NEU4: variants seen among roughly 807,000 people sequenced by gnomAD.
NEU4 encodes sialidase-4.
A neutral mutation model predicts 9.9 loss-of-function variants in NEU4; 7 were observed. That is an observed-to-expected ratio of 0.71 (90% confidence interval 0.40 to 1.33). The LOEUF is 1.33. Ranked by LOEUF, NEU4 falls within the 40% of genes most tolerant of loss-of-function variation. The pLI is 0.01. For missense variants in NEU4, 717 were observed against 712.6 expected (o/e 1.01, Z -0.07); for synonymous variants, 348 against 316.9 (o/e 1.10, Z -1.04).
rs1167050417 is a variant in NEU4 at position 241,812,528 on chromosome 2, A to AGGGGAGGTC, written c.-3-1954_-3-1953insGGGGAGGTC. ...CTGTGGAACCCAGGGAACTGGTCAC[A>AGGGGAGGTC]CTGAGGACACGGAGGCTCTGTGGAA... On this transcript the variant is annotated intron_variant, in intron 1 of 3. Transcript: ENST00000407683. Among the ~76,000 whole-genome samples, 360 of 65,814 alleles carry AGGGGAGGTC rather than the reference A, an allele frequency of 5.5e-3. 3 individuals are homozygous for AGGGGAGGTC. The highest frequency in any genetic ancestry group is 0.043 in the Middle Eastern group (4 of 92). 43.2% of individuals were successfully genotyped at this position (65,814 alleles called of 152,430 possible).
intron 1 of NEU4, chr2:241,810,597 T>C (rs1700082046): frequency 6.6e-6 from 1 of 152,314 alleles, no homozygotes; most frequent in African/African-American, 2.4e-5. Context: ...CATCAGAACA[T>C]ACCGGGCACC....
intron 1 of NEU4, chr2:241,813,986 C>T: frequency 3.1e-6 from 1 of 320,136 alleles, no homozygotes; most frequent in Non-Finnish European, 6.4e-6. Flanking sequence ...TCCCTGTGGG[C>T]TCACCTCTTT....
rs1700258157 is a variant in NEU4, at chr2:241,814,899, C to G, written c.209C>G (p.Ala70Gly). The stretch of plus-strand genomic sequence containing the variant: ...ACTTCCTCCTCTGGGCAGTGGGGTG[C>G]CCTGCACGTGCTGGGGACAGCAGCC... ...TLAGGSVRWG[A>G]LHVLGTAALA... Residue 70 changes from alanine to glycine, a missense_variant, in exon 3 of 4, where the codon GCC becomes GGC. By Grantham distance (60) the Ala-to-Gly change is moderately conservative (BLOSUM62 0). Transcript: ENST00000407683. The G allele has an allele frequency of 6.2e-7, 1 of 1,609,310 alleles. No homozygotes were observed. The highest frequency in any genetic ancestry group is 1.3e-5 in the African/African-American group (1 of 74,858).
At chr2:241,813,003 T>C (rs1206004410) in intron 1 of NEU4, among the ~76,000 whole-genome samples, 1 of 152,176 alleles carries the variant, frequency 6.6e-6, no homozygotes, top group Admixed American at 6.5e-5. Flanking sequence ...GCCAGGGGCT[T>C]CTTGGGGACG....
At chr2:241,815,318 C>T (rs1407161970) in intron 3 of NEU4, 171 bp downstream of exon 3, 2 of 967,166 alleles carry the variant, frequency 2.1e-6, no homozygotes, top group Non-Finnish European at 3.0e-6. Flanking sequence ...GCAAATCCCT[C>T]TCCCCAGGAC....
intron 3 of NEU4, chr2:241,815,359 C>T: frequency 1.5e-6 from 1 of 667,436 alleles, no homozygotes; most frequent in Non-Finnish European, 2.4e-6. Flanking sequence ...AGACAAATCC[C>T]TCTCCCCAGG....
chr2:241,811,245 G>C, intron 1 of NEU4: 1 of 1,252,594 alleles, frequency 8.0e-7, no homozygotes, highest in East Asian at 3.1e-5. Context: ...TGCTGGTCCC[G>C]GGCGTCTGTG....
chr2:241,815,110 G>A lies in NEU4; in HGVS notation c.420G>A (p.Arg140=). The A allele has an allele frequency of 6.3e-7, 1 of 1,575,868 alleles. No homozygotes were observed. Among genetic ancestry groups the A allele is most frequent in the Non-Finnish European group, 8.6e-7 (1 of 1,166,024 alleles). The change falls in exon 3 of 4, where the codon CGG becomes CGA. Residue 140 remains arginine, a synonymous_variant. Transcript: ENST00000407683. ...RDAGLSWGSA[R]DLTEEAIGGA... ...CCGGCCTCTCGTGGGGCAGCGCCCG[G>A]GACCTCACCGAGGAGGCCATCGGTG...
intron 1 of NEU4, among the ~76,000 whole-genome samples, chr2:241,813,031 C>T (rs1399501217): frequency 1.3e-5 from 2 of 152,200 alleles, no homozygotes; most frequent in Non-Finnish European, 2.9e-5. Context: ...CTCTCAGAAG[C>T]CGCGCACTGG....
chr2:241,809,282 C>T lies in NEU4; in HGVS notation c.-4+8C>T, dbSNP rs758873074. ...TGGCGGGAACTGAAACTGGTACGGT[C>T]TTTTTGAATAGAAATTTGGGGTCTT... On this transcript the variant is annotated splice_region_variant and intron_variant, in intron 1 of 3. Coordinates refer to ENST00000407683, the MANE Select transcript of NEU4 (RefSeq NM_001167600.3). 2 of 1,285,922 alleles carry T rather than the reference C, an allele frequency of 1.6e-6. No homozygotes were observed. The highest frequency in any genetic ancestry group is 2.0e-6 in the Non-Finnish European group (2 of 985,876). 79.7% of individuals were successfully genotyped at this position (1,285,922 alleles called of 1,614,324 possible).
Position 241,815,120 on chromosome 2 carries a change from G to T in NEU4, c.430G>T (p.Glu144Ter). ...LSWGSARDLT[E>*]EAIGGAVQDW... Reference sequence around the variant, plus strand: ...GTGGGGCAGCGCCCGGGACCTCACCGAGGAGGCCATCGGTGGTGCCGTGCA... The same window carrying T: ...GTGGGGCAGCGCCCGGGACCTCACCTAGGAGGCCATCGGTGGTGCCGTGCA... Residue 144 changes from glutamate to a stop codon, truncating the protein, a stop_gained, in exon 3 of 4, where the codon GAG becomes TAG. Transcript: ENST00000407683. LOFTEE classifies it low-confidence loss of function (END_TRUNC). 1 of 1,572,730 alleles carries T rather than the reference G, an allele frequency of 6.4e-7. No homozygotes were observed.
intron 1 of NEU4, chr2:241,811,446 C>T (rs753325390): frequency 6.4e-6 from 10 of 1,570,390 alleles, no homozygotes; most frequent in African/African-American, 5.5e-5. Context: ...GCTCTGCAGC[C>T]TTCCCAAGGT....
chr2:241,816,422 C>CCTTCAGAGTGTGT lies in NEU4; in HGVS notation c.829_830insCTTCAGAGTGTGT (p.Gln277ProfsTer22). On this transcript the variant is annotated frameshift_variant, in exon 4 of 4. Transcript: ENST00000407683. LOFTEE classifies it low-confidence loss of function (END_TRUNC). ...CCTGCCCGAGACTGCCTGGGGCTGC[C>CCTTCAGAGTGTGT]AGGGCAGCATCGTGGGCTTCCCAGC... The CCTTCAGAGTGTGT allele has an allele frequency of 6.2e-7, 1 of 1,606,698 alleles. No homozygotes were observed. The highest frequency in any genetic ancestry group is 8.5e-7 in the Non-Finnish European group (1 of 1,178,372).
chr2:241,815,709 G>GT (rs930666502), intron 3 of NEU4: 46 of 528,496 alleles, frequency 8.7e-5, no homozygotes, highest in Non-Finnish European at 1.6e-4. Context: ...ACCCCGGCCC[G>GT]TGGGAGCTAC....
chr2:241,814,759 CG>C, intron 2 of NEU4, 74 bp downstream of exon 2: 1 of 1,500,010 alleles, frequency 6.7e-7, no homozygotes. Flanking sequence ...CGGGATGGGG[CG>C]GGGGTGGCGG....
intron 1 of NEU4, chr2:241,811,044 C>G: frequency 1.8e-6 from 2 of 1,093,898 alleles, no homozygotes; most frequent in Non-Finnish European, 2.2e-6. Context: ...CCGGGAAGCC[C>G]AGAGGAGAGT....
Position 241,816,595 on chromosome 2 carries a change from C to G in NEU4, c.1002C>G (p.Phe334Leu). 5 of 1,592,084 alleles carry G rather than the reference C, an allele frequency of 3.1e-6. No homozygotes were observed. Among genetic ancestry groups the G allele is most frequent in the Non-Finnish European group, 4.3e-6 (5 of 1,170,784 alleles). ...GAGGCCAGGTGCCTGGTGGGCCCTTCAGCCGTCTGCAGCCTCGGGGGGATG... is the reference window on the plus strand; with the variant it reads ...GAGGCCAGGTGCCTGGTGGGCCCTTGAGCCGTCTGCAGCCTCGGGGGGATG... ...PRGGQVPGGP[F>L]SRLQPRGDGP... The change falls in exon 4 of 4, where the codon TTC becomes TTG. Residue 334 changes from phenylalanine (F) to leucine (L), a missense_variant. Transcript: ENST00000407683.
At chr2:241,815,917 TG>T in intron 3 of NEU4, 133 bp from the exon 4 acceptor site, 2 of 885,562 alleles carry the variant, frequency 2.3e-6, no homozygotes, top group Non-Finnish European at 3.4e-6. Context: ...ATGAGTCGTG[TG>T]GAAGGGCGGT....
Position 241,814,490 on chromosome 2 carries a change from G to T in NEU4, c.6G>T (p.Gly2=), listed in dbSNP as rs770732151. The part of the protein sequence containing the change: M[G]VPRTPSRTVL... ...CCTGTACTGACCAGCAGAGCATGGGGGTCCCTCGTACCCCTTCACGGACAG... is the reference window on the plus strand; with the variant it reads ...CCTGTACTGACCAGCAGAGCATGGGTGTCCCTCGTACCCCTTCACGGACAG... The change falls in exon 2 of 4, where the codon GGG becomes GGT. Residue 2 remains glycine, a synonymous_variant. Coordinates refer to ENST00000407683, the MANE Select transcript of NEU4 (RefSeq NM_001167600.3). 2 of 1,610,892 alleles carry T rather than the reference G, an allele frequency of 1.2e-6. No homozygotes were observed. The highest frequency in any genetic ancestry group is 1.7e-6 in the Non-Finnish European group (2 of 1,178,486).
Sources: gnomAD v4.1 joint callset for allele counts (sites outside exome capture counted in the v4.1 genomes callset) on GRCh38, gnomAD v4.1.1 for gene constraint, MANE v1.5 for transcripts, NCBI Gene and HGNC (gene_info 2026-07-23, HGNC 2026-07-21) for gene names.